Variants in SCMH1 observed in about 807,000 individuals in gnomAD.
The protein encoded by SCMH1 is Scm polycomb group protein homolog 1.
Under a neutral mutation model 70.8 loss-of-function variants are expected in SCMH1, and 37 were observed. The observed-to-expected ratio is 0.52, with a 90% CI of 0.40 to 0.69. The LOEUF (loss-of-function observed/expected upper bound fraction) is 0.69. SCMH1 is among the 30% of genes least tolerant of loss of function. The pLI, the probability that SCMH1 is intolerant of heterozygous loss-of-function variation, is 0.00. For missense variants in SCMH1, 607 were observed against 827.3 expected (o/e 0.73, Z 3.27); for synonymous variants, 292 against 307.4 (o/e 0.95, Z 0.52).
At position 41,068,348 on chromosome 1, in the gene SCMH1, TA is replaced by T. The variant is rs531414083; in HGVS notation, c.1105+2246del. 1.1e-3 allele frequency among the ~76,000 whole-genome samples: 174 copies of T among 152,230 alleles called. 1 individual carries two copies. The highest frequency in any genetic ancestry group is 1.4e-3 in the Non-Finnish European group (94 of 68,000). ...CAGGTCAAGAGATTCAAAAACTGAATAAACAGGTATGACGGGAGTGAATAGA... is the reference window on the plus strand; with the variant it reads ...CAGGTCAAGAGATTCAAAAACTGAATAACAGGTATGACGGGAGTGAATAGA... On this transcript the variant is annotated intron_variant, in intron 10 of 14. Transcript: ENST00000337495.
At chr1:41,048,486 G>A (rs1647111176) in intron 11 of SCMH1, among the ~76,000 whole-genome samples, 1 of 152,188 alleles carries the variant, frequency 6.6e-6, no homozygotes, top group African/African-American at 2.4e-5. Flanking sequence ...CACTGAAGCA[G>A]AATCTGTGGG....
exon 10 of SCMH1, chr1:41,070,645 A>T: frequency 6.2e-7 from 1 of 1,614,048 alleles, no homozygotes; most frequent in East Asian, 2.2e-5. Context: ...ATCCTGGGGT[A>T]CAGTGCTGGT....
chr1:41,211,630 T>C (rs1657046230), intron 1 of SCMH1, among the ~76,000 whole-genome samples: 1 of 152,084 alleles, frequency 6.6e-6, no homozygotes, highest in Non-Finnish European at 1.5e-5. Context: ...GATCTAGAAG[T>C]AGAAATACCA....
chr1:41,185,472 C>A (rs1001977108), intron 2 of SCMH1, among the ~76,000 whole-genome samples: 4 of 152,164 alleles, frequency 2.6e-5, no homozygotes, highest in African/African-American at 7.2e-5. Context: ...CAGGTGTGAG[C>A]TCCCATGCCC....
intron 1 of SCMH1, among the ~76,000 whole-genome samples, chr1:41,234,302 C>A (rs1661886179): frequency 1.3e-5 from 2 of 152,072 alleles, no homozygotes; most frequent in Admixed American, 1.3e-4. Flanking sequence ...ATTCCACATA[C>A]AATCATTCCC....
intron 1 of SCMH1, among the ~76,000 whole-genome samples, chr1:41,214,221 A>G (rs1178653607): frequency 2.0e-5 from 3 of 152,156 alleles, no homozygotes; most frequent in Non-Finnish European, 4.4e-5. Flanking sequence ...TTGACCTGAA[A>G]TCTAAAAACA....
chr1:41,147,976 C>T (rs1236211755), intron 5 of SCMH1, among the ~76,000 whole-genome samples: 1 of 152,066 alleles, frequency 6.6e-6, no homozygotes, highest in Non-Finnish European at 1.5e-5. Flanking sequence ...ATCCAATGTG[C>T]CAATTTCCGC....
chr1:41,091,563 G>A (rs983833768), intron 8 of SCMH1, among the ~76,000 whole-genome samples: 1 of 152,078 alleles, frequency 6.6e-6, no homozygotes, highest in African/African-American at 2.4e-5. Context: ...AGAAATAAAG[G>A]GTATTCAATT....
intron 4 of SCMH1, among the ~76,000 whole-genome samples, chr1:41,154,833 G>C (rs1224608939): frequency 1.3e-5 from 2 of 152,148 alleles, no homozygotes; most frequent in African/African-American, 2.4e-5. Context: ...AGTATAATTT[G>C]AATGTTTTCA....
intron 6 of SCMH1, among the ~76,000 whole-genome samples, chr1:41,122,402 C>A (rs1265523977): frequency 6.6e-6 from 1 of 152,198 alleles, no homozygotes; most frequent in Non-Finnish European, 1.5e-5. Flanking sequence ...AAAATAGACT[C>A]CTAAATCTAT....
chr1:41,191,208 G>C (rs1416996255), intron 1 of SCMH1, among the ~76,000 whole-genome samples: 1 of 152,128 alleles, frequency 6.6e-6, no homozygotes, highest in Non-Finnish European at 1.5e-5. Context: ...CAGGTTTATG[G>C]GCAAGGCCCA....
In SCMH1 at chr1:41,161,438, G is replaced by A; in HGVS notation, c.14-6C>T. 3 of 1,544,236 alleles carry A rather than the reference G, an allele frequency of 1.9e-6. No homozygotes were observed. The highest frequency in any genetic ancestry group is 2.6e-6 in the Non-Finnish European group (3 of 1,145,324). ...AACATCACTCCAGTCTATCACTGCA[G>A]AGGGAGAGAAAAATAGTCATGTGGA... On this transcript the variant is annotated splice_polypyrimidine_tract_variant and splice_region_variant and intron_variant, in intron 2 of 14. Transcript: ENST00000337495.
chr1:41,138,127 C>T (rs553987926), intron 6 of SCMH1, among the ~76,000 whole-genome samples: 9 of 152,200 alleles, frequency 5.9e-5, no homozygotes, highest in Admixed American at 3.9e-4. Context: ...ATGCTGAAAA[C>T]GATTTCAGTA....
At chr1:41,186,218 C>A in exon 2 of SCMH1, 2 of 773,838 alleles carry the variant, frequency 2.6e-6, no homozygotes, top group South Asian at 1.5e-5. Context: ...TGACTTCTGA[C>A]AAGTCAGTTT....
intron 1 of SCMH1, among the ~76,000 whole-genome samples, chr1:41,231,922 T>C (rs2148905512): frequency 6.6e-6 from 1 of 150,846 alleles, no homozygotes; most frequent in African/African-American, 2.4e-5. Context: ...CTCAGGAGGC[T>C]GAGGCAGGAG....
At chr1:41,192,492 GGA>G (rs1491487806) in intron 1 of SCMH1, among the ~76,000 whole-genome samples, 5 of 72,300 alleles carry the variant, frequency 6.9e-5, no homozygotes, top group Admixed American at 1.7e-4. Flanking sequence ...GGATTAAATA[GGA>G]GACACACACA....
chr1:41,193,752 T>C (rs546101251), intron 1 of SCMH1, among the ~76,000 whole-genome samples: 10 of 152,234 alleles, frequency 6.6e-5, no homozygotes, highest in African/African-American at 2.4e-4. Context: ...GCTAGAAAAG[T>C]AGAAATGAGG....
chr1:41,123,315 G>A (rs1672398549), intron 6 of SCMH1, among the ~76,000 whole-genome samples: 1 of 152,146 alleles, frequency 6.6e-6, no homozygotes, highest in African/African-American at 2.4e-5. Context: ...ATTCACACCA[G>A]GAATTGATCA....
chr1:41,054,089 C>T (rs188622996), intron 10 of SCMH1, among the ~76,000 whole-genome samples: 2 of 152,248 alleles, frequency 1.3e-5, no homozygotes, highest in Admixed American at 6.5e-5. Context: ...CATGATCCGC[C>T]TGCCTCGGCC....
Sources: allele counts gnomAD v4.1 joint callset (sites outside exome capture counted in the v4.1 genomes callset), GRCh38; gene constraint gnomAD v4.1.1; transcripts MANE v1.5; gene names NCBI Gene and HGNC (gene_info 2026-07-23, HGNC 2026-07-21).